NSMCE2: variants seen among roughly 807,000 people sequenced by gnomAD.
NSMCE2 encodes E3 SUMO-protein ligase NSE2.
In NSMCE2, 24 loss-of-function variants were observed where a neutral mutation model predicts 23.8. That is an observed-to-expected ratio of 1.01 (90% CI 0.73 to 1.42). NSMCE2 has a LOEUF of 1.42. NSMCE2 is among the 40% of genes most tolerant of loss of function. NSMCE2 has a pLI of 0.00. For missense variants in NSMCE2, 284 were observed against 296.5 expected (o/e 0.96, Z 0.31); for synonymous variants, 92 against 94.1 (o/e 0.98, Z 0.13).
chr8:125,217,526 A>C (rs1824654042), intron 5 of NSMCE2, among the ~76,000 whole-genome samples: 2 of 151,806 alleles, frequency 1.3e-5, no homozygotes, highest in Non-Finnish European at 2.9e-5. Context: ...ACACATGGCT[A>C]ATTTTGTTTT....
chr8:125,150,267 C>T (rs1820923567), intron 3 of NSMCE2, among the ~76,000 whole-genome samples: 1 of 152,068 alleles, frequency 6.6e-6, no homozygotes, highest in Non-Finnish European at 1.5e-5. Context: ...TAGTATGTAA[C>T]TTTGGCATTC....
chr8:125,107,188 C>CTTTTTTT (rs71295817), intron 3 of NSMCE2, among the ~76,000 whole-genome samples: 1 of 120,020 alleles, frequency 8.3e-6, no homozygotes, highest in Non-Finnish European at 1.7e-5. Flanking sequence ...CAAGGACATT[C>CTTTTTTT]TTTTTTTTTT....
chr8:125,296,571 A>AT (rs1828335453), intron 5 of NSMCE2, among the ~76,000 whole-genome samples: 1 of 151,596 alleles, frequency 6.6e-6, no homozygotes, highest in Non-Finnish European at 1.5e-5. Flanking sequence ...ATTTTTTTGT[A>AT]TTTTTAATAG....
chr8:125,357,638 C>T (rs1813341686), intron 6 of NSMCE2, 74 bp from the exon 7 acceptor site: 8 of 1,100,164 alleles, frequency 7.3e-6, no homozygotes, highest in Non-Finnish European at 2.8e-6. Flanking sequence ...ATAGAAAGCT[C>T]AGGACTAGGA....
At chr8:125,156,678 TAGAAG>T (rs1174752589) in intron 4 of NSMCE2, among the ~76,000 whole-genome samples, 1 of 152,206 alleles carries the variant, frequency 6.6e-6, no homozygotes, top group East Asian at 1.9e-4. Context: ...TGTTGAGAGT[TAGAAG>T]AGAAGAAATG....
intron 5 of NSMCE2, among the ~76,000 whole-genome samples, chr8:125,294,995 AGTCTGT>A (rs1828266742): frequency 6.6e-6 from 1 of 152,192 alleles, no homozygotes; most frequent in Non-Finnish European, 1.5e-5. Context: ...GTGATCCATC[AGTCTGT>A]GTCTCATTGT....
chr8:125,281,894 G>A (rs546108404), intron 5 of NSMCE2, among the ~76,000 whole-genome samples: 338 of 152,074 alleles, frequency 2.2e-3, no homozygotes, highest in African/African-American at 7.7e-3. Context: ...GGTGATTTAA[G>A]AATCTTAGAA....
chr8:125,293,158 A>G (rs1828182144), intron 5 of NSMCE2, among the ~76,000 whole-genome samples: 1 of 152,172 alleles, frequency 6.6e-6, no homozygotes, highest in African/African-American at 2.4e-5. Context: ...TATTCTGGGT[A>G]CCATTCTAAG....
chr8:125,263,352 C>T (rs912910069), intron 5 of NSMCE2, among the ~76,000 whole-genome samples: 1 of 152,132 alleles, frequency 6.6e-6, no homozygotes, highest in African/African-American at 2.4e-5. Context: ...GTTATACCTG[C>T]TGGCTCATGG....
chr8:125,329,456 C>G (rs1282186146), intron 5 of NSMCE2, among the ~76,000 whole-genome samples: 1 of 152,142 alleles, frequency 6.6e-6, no homozygotes, highest in African/African-American at 2.4e-5. Flanking sequence ...AGAAGATTTC[C>G]TTTTGAACAA....
At chr8:125,228,784 G>C (rs894581229) in intron 5 of NSMCE2, among the ~76,000 whole-genome samples, 36 of 152,150 alleles carry the variant, frequency 2.4e-4, no homozygotes, top group African/African-American at 8.4e-4. Context: ...TACGTGCCTG[G>C]CTCTGTGCTA....
At chr8:125,223,402 G>A (rs2130923039) in intron 5 of NSMCE2, among the ~76,000 whole-genome samples, 1 of 152,234 alleles carries the variant, frequency 6.6e-6, no homozygotes, top group Admixed American at 6.5e-5. Context: ...CACTCAGGTT[G>A]CTTCCATATC....
chr8:125,151,209 G>A lies in NSMCE2; in HGVS notation c.196G>A (p.Val66Ile). Reference sequence around the variant, plus strand: ...TGAATATAGTATGGACAAGGCAATGGTTGAATTTGCTACATTGGATCGGCA... The same window carrying A: ...TGAATATAGTATGGACAAGGCAATGATTGAATTTGCTACATTGGATCGGCA... ...SSEYSMDKAM[V>I]EFATLDRQLN... Residue 66 changes from valine to isoleucine, a missense_variant, in exon 4 of 8, where the codon GTT becomes ATT. Transcript: ENST00000287437. 6.2e-7 allele frequency: 1 copy of A among 1,609,422 alleles called. No individual in the cohort carries two copies. Among genetic ancestry groups the A allele is most frequent in the Non-Finnish European group, 8.5e-7 (1 of 1,176,340 alleles).
At chr8:125,218,738 TTAGTA>T (rs1194165812) in intron 5 of NSMCE2, among the ~76,000 whole-genome samples, 1 of 152,104 alleles carries the variant, frequency 6.6e-6, no homozygotes, top group African/African-American at 2.4e-5. Context: ...AAAAAATAAA[TTAGTA>T]TAGAGAGTTT....
chr8:125,102,757 A>G (rs181185237), intron 3 of NSMCE2, among the ~76,000 whole-genome samples: 220 of 152,322 alleles, frequency 1.4e-3, no homozygotes, highest in Middle Eastern at 3.4e-3. Flanking sequence ...AGGAGCATAC[A>G]ATCTAAAGTA....
At chr8:125,133,027 C>T (rs1182542810) in intron 3 of NSMCE2, among the ~76,000 whole-genome samples, 1 of 152,126 alleles carries the variant, frequency 6.6e-6, no homozygotes, top group African/African-American at 2.4e-5. Context: ...TTGACAGTTG[C>T]AGATATCCTG....
At chr8:125,248,184 G>C (rs1175882592) in intron 5 of NSMCE2, among the ~76,000 whole-genome samples, 1 of 152,174 alleles carries the variant, frequency 6.6e-6, no homozygotes, top group Non-Finnish European at 1.5e-5. Context: ...AGTCCGGGGT[G>C]TTTATATTAC....
intron 5 of NSMCE2, among the ~76,000 whole-genome samples, chr8:125,271,204 T>G (rs1827175039): frequency 6.7e-6 from 1 of 148,970 alleles, no homozygotes; most frequent in African/African-American, 2.5e-5. Flanking sequence ...GAGGTTGCAG[T>G]GAGCAGAGAT....
At chr8:125,130,907 G>A (rs1819745727) in intron 3 of NSMCE2, among the ~76,000 whole-genome samples, 1 of 152,144 alleles carries the variant, frequency 6.6e-6, no homozygotes, top group African/African-American at 2.4e-5. Context: ...CAGTATACAT[G>A]TAAAGCATTT....
Sources: gnomAD v4.1 joint callset for allele counts (sites outside exome capture counted in the v4.1 genomes callset) on GRCh38, gnomAD v4.1.1 for gene constraint, MANE v1.5 for transcripts, NCBI Gene and HGNC (gene_info 2026-07-23, HGNC 2026-07-21) for gene names.